The following WWOX variants were observed in gnomAD, a reference collection of about 807,000 sequenced individuals.
WWOX encodes the protein WW domain containing oxidoreductase.
In WWOX, 69 loss-of-function variants were observed where a neutral mutation model predicts 46.2. The ratio of observed to expected loss-of-function variants is 1.49; its 90% CI spans 1.23 to 1.82. WWOX has a LOEUF of 1.82. Among genes scored for constraint, WWOX ranks in the 40% most tolerant of loss-of-function variants. The pLI, the probability that WWOX is intolerant of heterozygous loss-of-function variation, is 0.00. For missense variants in WWOX, 919 were observed against 542.6 expected (o/e 1.69, Z -6.89); for synonymous variants, 359 against 202.6 (o/e 1.77, Z -6.56).
intron 8 of WWOX, among the ~76,000 whole-genome samples, chr16:78,716,217 A>G (rs78441813): frequency 0.061 from 9,333 of 152,068 alleles, 606 homozygotes; most frequent in African/African-American, 0.17. Flanking sequence ...GTGTAGAGGC[A>G]GAGGCAGAGA....
rs921538729 is a variant in WWOX at position 79,114,980 on chromosome 16, C to T, written c.1057-96628C>T. ...GGCAGTTAGACAATTAGCTCGCCCA[C>T]AGGAACATTGCAATAAGCACAGTAT... On this transcript the variant is annotated intron_variant, in intron 8 of 8. Coordinates refer to ENST00000566780, the MANE Select transcript of WWOX (RefSeq NM_016373.4). Among the ~76,000 whole-genome samples the T allele has an allele frequency of 6.6e-5, 10 of 152,360 alleles. No individual in the cohort carries two copies. The East Asian group carries it at 1.7e-3, about 27-fold the overall frequency.
chr16:78,745,910 C>G (rs1233658424), intron 8 of WWOX, among the ~76,000 whole-genome samples: 2 of 151,970 alleles, frequency 1.3e-5, no homozygotes, highest in African/African-American at 4.8e-5. Flanking sequence ...ATGCCAGAAA[C>G]CTGCCAAGGA....
At chr16:78,647,035 T>C (rs1363982394) in intron 8 of WWOX, among the ~76,000 whole-genome samples, 1 of 152,160 alleles carries the variant, frequency 6.6e-6, no homozygotes, top group Non-Finnish European at 1.5e-5. Context: ...TCTCTTCCTT[T>C]TGAGCCCAGC....
At chr16:78,553,562 G>C (rs935461778) in intron 8 of WWOX, among the ~76,000 whole-genome samples, 7 of 152,068 alleles carry the variant, frequency 4.6e-5, no homozygotes, top group African/African-American at 1.4e-4. Flanking sequence ...CTAAGAATCC[G>C]CTAGAGCCCT....
At chr16:78,561,836 T>C (rs1031710888) in intron 8 of WWOX, among the ~76,000 whole-genome samples, 1 of 152,142 alleles carries the variant, frequency 6.6e-6, no homozygotes, top group African/African-American at 2.4e-5. Context: ...GGATCTTCAG[T>C]TACCAGCAGT....
Position 79,212,280 on chromosome 16 carries a change from A to G in WWOX, c.*484A>G. On this transcript the variant is annotated 3_prime_UTR_variant, in exon 9 of 9. Coordinates refer to ENST00000566780, the MANE Select transcript of WWOX (RefSeq NM_016373.4). Reference sequence around the variant, plus strand: ...AATTGTTTCATTCATCCTGACCAAGACTGAGCCAGCTTAGCAACTGCTGGG... The same window carrying G: ...AATTGTTTCATTCATCCTGACCAAGGCTGAGCCAGCTTAGCAACTGCTGGG... 1 of 1,188,146 alleles carries G rather than the reference A, an allele frequency of 8.4e-7. No homozygotes were observed. The allele number at this position is 1,188,146 out of a possible 1,614,324, so 73.6% of individuals were successfully genotyped here. A position where few individuals can be genotyped will look rare whatever the true frequency, so the allele number is the denominator to read the frequency against.
chr16:79,144,784 T>C (rs1220949712), intron 8 of WWOX, among the ~76,000 whole-genome samples: 2 of 152,214 alleles, frequency 1.3e-5, no homozygotes, highest in African/African-American at 2.4e-5. Flanking sequence ...GGTACAAATA[T>C]ATTACTTACA....
At position 78,818,948 on chromosome 16, in the gene WWOX, G is replaced by C. The variant is rs1419598247; in HGVS notation, c.1056+386196G>C. Among the ~76,000 whole-genome samples, 5 of 152,210 alleles carry C rather than the reference G, an allele frequency of 3.3e-5. No homozygotes were observed. The East Asian group carries it at 7.7e-4, about 23-fold the overall frequency. On this transcript the variant is annotated intron_variant, in intron 8 of 8. Coordinates refer to ENST00000566780, the MANE Select transcript of WWOX (RefSeq NM_016373.4). ...CCTAGACTTGCACCCTGATTTCTGA[G>C]TTGAATGTTCCAGGGTAAGCCACTT...
chr16:78,224,110 T>G (rs1273303959), intron 5 of WWOX, among the ~76,000 whole-genome samples: 1 of 152,084 alleles, frequency 6.6e-6, no homozygotes, highest in Admixed American at 6.5e-5. Context: ...TTCACACCAT[T>G]TTCCTGCCTC....
At chr16:78,145,526 C>G (rs1471055141) in intron 4 of WWOX, among the ~76,000 whole-genome samples, 1 of 152,142 alleles carries the variant, frequency 6.6e-6, no homozygotes, top group African/African-American at 2.4e-5. Context: ...CTCCTGCCTG[C>G]TTTTCTCTTG....
chr16:78,977,937 G>A (rs1394995258), intron 8 of WWOX, among the ~76,000 whole-genome samples: 1 of 151,890 alleles, frequency 6.6e-6, no homozygotes, highest in Non-Finnish European at 1.5e-5. Context: ...AAAGTAGACA[G>A]TTCAATAGCA....
chr16:78,887,769 A>T (rs1248673696), intron 8 of WWOX, among the ~76,000 whole-genome samples: 1 of 152,192 alleles, frequency 6.6e-6, no homozygotes, highest in Non-Finnish European at 1.5e-5. Context: ...GCCTTTCGGG[A>T]TGTTGAATTT....
chr16:78,393,302 A>G lies in WWOX; in HGVS notation c.605+6354A>G, dbSNP rs146089091. 5.2e-3 allele frequency among the ~76,000 whole-genome samples: 790 copies of G among 152,306 alleles called. 10 individuals are homozygous for G. The highest frequency in any genetic ancestry group is 0.033 in the East Asian group (173 of 5,170). On this transcript the variant is annotated intron_variant, in intron 6 of 8. Coordinates refer to ENST00000566780, the MANE Select transcript of WWOX (RefSeq NM_016373.4). ...CTACTGAAAAGTGCATATTTTGAAC[A>G]GGGCCTAGAAGAGTTAACAGCTCCT...
intron 5 of WWOX, among the ~76,000 whole-genome samples, chr16:78,171,679 C>G (rs2035167126): frequency 1.3e-5 from 2 of 152,004 alleles, no homozygotes; most frequent in African/African-American, 4.8e-5. Flanking sequence ...AAGAGCGCAT[C>G]CTAAATCAGC....
intron 8 of WWOX, among the ~76,000 whole-genome samples, chr16:78,759,791 T>G (rs1486840895): frequency 6.6e-6 from 1 of 152,204 alleles, no homozygotes; most frequent in Non-Finnish European, 1.5e-5. Context: ...TCTGAAGGTT[T>G]CGCTCCAGAG....
chr16:78,682,940 G>A lies in WWOX; in HGVS notation c.1056+250188G>A, dbSNP rs181611774. Among the ~76,000 whole-genome samples the A allele has an allele frequency of 1.0e-3, 156 of 152,244 alleles. 3 individuals carry two copies. The highest frequency in any genetic ancestry group is 1.4e-3 in the Non-Finnish European group (94 of 68,032). The stretch of plus-strand genomic sequence containing the variant: ...ACTAAACATCATAAGCTCCAAGTGA[G>A]TGATTTCCCCGCGTAAATGAATGAT... On this transcript the variant is annotated intron_variant, in intron 8 of 8. Transcript: ENST00000566780.
At chr16:78,162,434 TCA>T (rs2034825895) in intron 4 of WWOX, among the ~76,000 whole-genome samples, 1 of 151,620 alleles carries the variant, frequency 6.6e-6, no homozygotes, top group Admixed American at 6.6e-5. Context: ...AGATACACAC[TCA>T]CATATATATT....
chr16:78,623,106 G>A (rs4474700), intron 8 of WWOX, among the ~76,000 whole-genome samples: 3 of 151,868 alleles, frequency 2.0e-5, no homozygotes, highest in Non-Finnish European at 4.4e-5. Context: ...TGAGACCGCA[G>A]CCCCACTAGG....
intron 8 of WWOX, among the ~76,000 whole-genome samples, chr16:78,904,904 A>G (rs1052414438): frequency 6.6e-6 from 1 of 152,154 alleles, no homozygotes; most frequent in Admixed American, 6.5e-5. Flanking sequence ...TTTTATTGGT[A>G]TTACATTCCT....
Sources: allele counts gnomAD v4.1 joint callset (sites outside exome capture counted in the v4.1 genomes callset), GRCh38; gene constraint gnomAD v4.1.1; transcripts MANE v1.5; gene names NCBI Gene and HGNC (gene_info 2026-07-23, HGNC 2026-07-21).